The following MFSD1 variants were observed in gnomAD, a reference collection of about 807,000 sequenced individuals.
The protein encoded by MFSD1 is major facilitator superfamily domain containing 1, also known as lysosomal dipeptide transporter MFSD1.
A neutral mutation model predicts 67.1 loss-of-function variants in MFSD1; 59 were observed. That is an observed-to-expected ratio of 0.88 (90% confidence interval 0.71 to 1.09). The LOEUF is 1.09. Ranked by LOEUF, MFSD1 falls within the 50% of genes least tolerant of loss-of-function variation. The pLI, the probability that MFSD1 is intolerant of heterozygous loss-of-function variation, is 0.00. For synonymous variants in MFSD1, 213 were observed against 200.3 expected (o/e 1.06, Z -0.54); for missense variants, 552 against 566.1 (o/e 0.97, Z 0.25).
chr3:158,822,540 G>A (rs190687686), intron 11 of MFSD1: 1 of 153,566 alleles, frequency 6.5e-6, no homozygotes, highest in African/African-American at 2.4e-5. Context: ...TTGCTTAGTA[G>A]GTTAAAAAGT....
At chr3:158,823,628 G>A in intron 12 of MFSD1, 103 bp downstream of exon 12, 1 of 889,180 alleles carries the variant, frequency 1.1e-6, no homozygotes, top group Non-Finnish European at 1.9e-6. Flanking sequence ...CAGCCTCTGG[G>A]GTAGCGCTGA....
chr3:158,822,320 A>G, intron 11 of MFSD1, 180 bp downstream of exon 11: 2 of 402,276 alleles, frequency 5.0e-6, no homozygotes, highest in Non-Finnish European at 8.7e-6. Flanking sequence ...AATTATTAAC[A>G]TATAAGGTAT....
At position 158,818,876 on chromosome 3, in the gene MFSD1, C is replaced by T. The variant is rs75327416; in HGVS notation, c.653-773C>T. Among the ~76,000 whole-genome samples the T allele has an allele frequency of 4.0e-3, 611 of 152,250 alleles. 3 individuals carry two copies. Among genetic ancestry groups the T allele is most frequent in the African/African-American group, 0.014 (580 of 41,518 alleles). On this transcript the variant is annotated intron_variant, in intron 7 of 15. Transcript: ENST00000415822. ...ACCTGTGCCATCATCAGGTCAAATC[C>T]TCTTATTTAAAACTGGGGAAATTGA...
intron 7 of MFSD1, 23 bp downstream of exon 7, chr3:158,814,090 A>C: frequency 6.4e-7 from 1 of 1,558,476 alleles, no homozygotes; most frequent in East Asian, 2.2e-5. Context: ...CATGTCCCAC[A>C]TCTCTCCTCT....
At chr3:158,802,931 A>G (rs1197636703) in intron 1 of MFSD1, among the ~76,000 whole-genome samples, 1 of 152,136 alleles carries the variant, frequency 6.6e-6, no homozygotes, top group Non-Finnish European at 1.5e-5. Flanking sequence ...AAAAACGTGA[A>G]TGATTTCGTC....
intron 7 of MFSD1, among the ~76,000 whole-genome samples, chr3:158,817,157 A>G (rs1177196873): frequency 6.6e-6 from 1 of 152,196 alleles, no homozygotes; most frequent in Non-Finnish European, 1.5e-5. Context: ...GAATGGGCAA[A>G]AACTGGAAGC....
At chr3:158,818,421 C>T (rs779163743) in intron 7 of MFSD1, among the ~76,000 whole-genome samples, 9 of 152,050 alleles carry the variant, frequency 5.9e-5, no homozygotes, top group Non-Finnish European at 1.3e-4. Flanking sequence ...TAACCATAGT[C>T]ATCCTGCTGT....
chr3:158,805,291 T>C, intron 2 of MFSD1, 71 bp from the exon 3 acceptor site: 1 of 1,192,886 alleles, frequency 8.4e-7, no homozygotes, highest in South Asian at 1.2e-5. Flanking sequence ...CTTTAGATTG[T>C]CATATTTTGA....
chr3:158,828,903 G>A (rs2108242890), intron 15 of MFSD1, 76 bp from the exon 16 acceptor site: 1 of 1,490,100 alleles, frequency 6.7e-7, no homozygotes, highest in Non-Finnish European at 9.1e-7. Flanking sequence ...GTAATGCTTG[G>A]TTTTCATTTT....
At position 158,802,159 on chromosome 3, in the gene MFSD1, G is replaced by A; in HGVS notation, c.7G>A (p.Glu3Lys). 2 of 1,612,722 alleles carry A rather than the reference G, an allele frequency of 1.2e-6. No homozygotes were observed. The highest frequency in any genetic ancestry group is 1.7e-4 in the Middle Eastern group (1 of 5,724). The part of the protein sequence containing the change: ME[E>K]EDEEARALLA... ...TCCGTCTCCTGCGGGCGCAATGGAG[G>A]AGGAGGATGAGGAAGCGCGGGCGCT... is the stretch of plus-strand genomic sequence containing the variant. The change falls in exon 1 of 16, where the codon GAG becomes AAG. Residue 3 changes from glutamate to lysine, a missense_variant. Glu to Lys is a moderately conservative substitution (Grantham distance 56). Coordinates refer to ENST00000415822, the MANE Select transcript of MFSD1 (RefSeq NM_022736.4).
At chr3:158,812,375 A>G (rs565529162) in intron 6 of MFSD1, among the ~76,000 whole-genome samples, 51 of 152,192 alleles carry the variant, frequency 3.4e-4, no homozygotes, top group Non-Finnish European at 5.7e-4. Context: ...CGCTAAATAC[A>G]TAAATCAGAT....
Position 158,827,908 on chromosome 3 carries a change from GA to G in MFSD1, c.1394+572del, listed in dbSNP as rs1217555058. ...AGACAGAGAGAGACACAGAGAGAGA[GA>G]GAGGGGGAGAGAGAGAGAGAGAGAG... On this transcript the variant is annotated intron_variant, in intron 15 of 15. Coordinates refer to ENST00000415822, the MANE Select transcript of MFSD1 (RefSeq NM_022736.4). Among the ~76,000 whole-genome samples the G allele has an allele frequency of 6.3e-3, 563 of 90,058 alleles. 8 individuals are homozygous for G. Among genetic ancestry groups the G allele is most frequent in the African/African-American group, 0.03 (530 of 17,388 alleles). 59.1% of individuals were successfully genotyped at this position (90,058 alleles called of 152,430 possible).
chr3:158,823,398 C>A, intron 11 of MFSD1, 30 bp from the exon 12 acceptor site: 3 of 1,445,178 alleles, frequency 2.1e-6, no homozygotes, highest in Non-Finnish European at 2.9e-6. Flanking sequence ...TAATGTAAGA[C>A]TGTGACCTTT....
intron 7 of MFSD1, among the ~76,000 whole-genome samples, chr3:158,817,807 A>C (rs912024421): frequency 3.9e-5 from 6 of 152,208 alleles, no homozygotes; most frequent in African/African-American, 1.4e-4. Context: ...TCCTAAGCCA[A>C]AAGAACAAAG....
intron 7 of MFSD1, among the ~76,000 whole-genome samples, chr3:158,817,567 G>A (rs980208017): frequency 7.2e-5 from 11 of 152,116 alleles, no homozygotes; most frequent in African/African-American, 2.7e-4. Flanking sequence ...TCTTCAAGGA[G>A]AACTACAAAC....
At position 158,824,209 on chromosome 3, in the gene MFSD1, G is replaced by C; in HGVS notation, c.1261G>C (p.Glu421Gln). The C allele has an allele frequency of 6.2e-7, 1 of 1,612,018 alleles. No individual in the cohort carries two copies. Among genetic ancestry groups the C allele is most frequent in the Non-Finnish European group, 8.5e-7 (1 of 1,179,056 alleles). The change falls in exon 13 of 16, where the codon GAA becomes CAA. Residue 421 changes from glutamate to glutamine, a missense_variant. Physicochemically the swap from Glu to Gln is conservative, Grantham distance 29. Transcript: ENST00000415822. ...GGATTCTCGGGGGTATTTGTTTTTG[G>C]AAGTGTTCTTCATTGCCTGTGTTTC... ...ILDSRGYLFL[E>Q]VFFIACVSLS...
chr3:158,810,099 A>G (rs1293353206), intron 6 of MFSD1, among the ~76,000 whole-genome samples: 1 of 152,140 alleles, frequency 6.6e-6, no homozygotes, highest in African/African-American at 2.4e-5. Context: ...ATCTTGGCTC[A>G]TGGTAGCCTC....
At chr3:158,814,106 A>G in intron 7 of MFSD1, 39 bp downstream of exon 7, 1 of 1,498,512 alleles carries the variant, frequency 6.7e-7, no homozygotes, top group Non-Finnish European at 9.3e-7. Flanking sequence ...CCTCTTCTGA[A>G]GGCTTGTCAT....
At chr3:158,820,738 G>A (rs1231817831) in intron 9 of MFSD1, among the ~76,000 whole-genome samples, 1 of 152,134 alleles carries the variant, frequency 6.6e-6, no homozygotes, top group East Asian at 1.9e-4. Context: ...GGAAATGCCA[G>A]CTGCTTATAA....
Sources: allele counts gnomAD v4.1 joint callset (sites outside exome capture counted in the v4.1 genomes callset), GRCh38; gene constraint gnomAD v4.1.1; transcripts MANE v1.5; gene names NCBI Gene and HGNC (gene_info 2026-07-23, HGNC 2026-07-21).